Variants in PHACTR1 observed in about 807,000 individuals in gnomAD.
PHACTR1 encodes the protein RPEL repeat containing 1.
PHACTR1 carries 16 observed loss-of-function variants against 69.2 expected under a neutral mutation model. The observed-to-expected ratio is 0.23, with a 90% CI of 0.16 to 0.35. The LOEUF is 0.35. Ranked by LOEUF, PHACTR1 falls within the 10% of genes least tolerant of loss-of-function variation. PHACTR1 has a pLI of 1.00. For synonymous variants in PHACTR1, 312 were observed against 284.5 expected (o/e 1.10, Z -0.97); for missense variants, 510 against 734.7 (o/e 0.69, Z 3.54).
At chr6:12,721,750 T>C (rs1010187472) in intron 3 of PHACTR1, among the ~76,000 whole-genome samples, 9 of 152,216 alleles carry the variant, frequency 5.9e-5, no homozygotes, top group African/African-American at 2.2e-4. Context: ...GTTCCTCCAC[T>C]GTAGCTTCCC....
At chr6:12,916,823 T>C (rs1166394440) in intron 4 of PHACTR1, among the ~76,000 whole-genome samples, 2 of 152,222 alleles carry the variant, frequency 1.3e-5, no homozygotes. Context: ...AATTTTCATT[T>C]GCTAACTCAA....
chr6:13,209,622 G>A (rs1339351566), intron 8 of PHACTR1, among the ~76,000 whole-genome samples: 1 of 152,204 alleles, frequency 6.6e-6, no homozygotes, highest in East Asian at 1.9e-4. Flanking sequence ...CCATACATTT[G>A]CACAAGTCAT....
intron 5 of PHACTR1, among the ~76,000 whole-genome samples, chr6:13,090,210 A>G (rs1170364902): frequency 1.3e-5 from 2 of 152,032 alleles, no homozygotes; most frequent in African/African-American, 4.8e-5. Flanking sequence ...GCATGCCACC[A>G]TGCCCGGCTA....
intron 4 of PHACTR1, among the ~76,000 whole-genome samples, chr6:12,954,865 A>C (rs1582676855): frequency 6.6e-6 from 1 of 152,218 alleles, no homozygotes; most frequent in East Asian, 1.9e-4. Context: ...CCTAAAATAA[A>C]TTCTAACCTC....
chr6:13,185,746 T>C (rs1762751617), intron 7 of PHACTR1, among the ~76,000 whole-genome samples: 1 of 152,200 alleles, frequency 6.6e-6, no homozygotes, highest in African/African-American at 2.4e-5. Context: ...TTGATAATAG[T>C]TTCACCTGAT....
chr6:12,855,170 T>TGTG (rs1459009454), intron 4 of PHACTR1, among the ~76,000 whole-genome samples: 1 of 152,050 alleles, frequency 6.6e-6, no homozygotes, highest in African/African-American at 2.4e-5. Context: ...ATAAAGAAAA[T>TGTG]GTGGTATACA....
chr6:13,172,059 G>A (rs971503874), intron 6 of PHACTR1, among the ~76,000 whole-genome samples: 3 of 152,086 alleles, frequency 2.0e-5, no homozygotes, highest in African/African-American at 4.8e-5. Context: ...GAGCCACCAC[G>A]CCCGGTCAAC....
At chr6:13,266,757 G>C (rs1271101493) in intron 10 of PHACTR1, 1 of 152,240 alleles carries the variant, frequency 6.6e-6, no homozygotes, top group Non-Finnish European at 1.5e-5. Context: ...CAACTCACTA[G>C]AACAGCACCA....
intron 4 of PHACTR1, among the ~76,000 whole-genome samples, chr6:12,804,969 CA>C (rs951866135): frequency 7.2e-5 from 11 of 152,178 alleles, no homozygotes; most frequent in Admixed American, 7.2e-4. Context: ...CAAAATTATA[CA>C]AAACAGCAAT....
chr6:13,284,188 C>A (rs1780954199), intron 13 of PHACTR1, among the ~76,000 whole-genome samples: 1 of 152,022 alleles, frequency 6.6e-6, no homozygotes, highest in African/African-American at 2.4e-5. Context: ...AGTCTGGTCA[C>A]CATGAGGAGC....
At chr6:12,729,059 TG>T (rs1448003031) in intron 3 of PHACTR1, among the ~76,000 whole-genome samples, 2 of 152,192 alleles carry the variant, frequency 1.3e-5, no homozygotes, top group Admixed American at 1.3e-4. Flanking sequence ...GCTTTAATTT[TG>T]TCAAGCCTCA....
At chr6:12,836,735 C>T (rs867052430) in intron 4 of PHACTR1, among the ~76,000 whole-genome samples, 1 of 152,100 alleles carries the variant, frequency 6.6e-6, no homozygotes, top group Non-Finnish European at 1.5e-5. Flanking sequence ...TCATGTAGAC[C>T]CAGCTACAAA....
chr6:13,126,860 T>C (rs901486729), intron 5 of PHACTR1, among the ~76,000 whole-genome samples: 6 of 152,250 alleles, frequency 3.9e-5, no homozygotes, highest in Non-Finnish European at 7.3e-5. Flanking sequence ...CTTTACTATA[T>C]ACATCGTAGG....
chr6:13,112,659 A>C (rs766593675), intron 5 of PHACTR1, among the ~76,000 whole-genome samples: 4 of 152,112 alleles, frequency 2.6e-5, no homozygotes, highest in Non-Finnish European at 5.9e-5. Flanking sequence ...TATTAAAAAT[A>C]TGTTGGCCAC....
intron 6 of PHACTR1, among the ~76,000 whole-genome samples, chr6:13,172,683 A>G (rs2113648414): frequency 6.6e-6 from 1 of 152,366 alleles, no homozygotes; most frequent in South Asian, 2.1e-4. Context: ...AAGGCTTCTC[A>G]GCAAGAAGGA....
chr6:12,931,818 A>G (rs776717400), intron 4 of PHACTR1, among the ~76,000 whole-genome samples: 2 of 151,816 alleles, frequency 1.3e-5, no homozygotes, highest in African/African-American at 2.4e-5. Context: ...ATGCATTTCA[A>G]TTGTGGTCTC....
intron 4 of PHACTR1, among the ~76,000 whole-genome samples, chr6:12,972,587 C>A (rs372432396): frequency 4.1e-4 from 63 of 151,894 alleles, no homozygotes; most frequent in African/African-American, 1.5e-3. Flanking sequence ...GCCGGCATTC[C>A]GTGACTCATG....
At chr6:12,992,294 T>C (rs914661951) in intron 4 of PHACTR1, among the ~76,000 whole-genome samples, 2 of 152,232 alleles carry the variant, frequency 1.3e-5, no homozygotes, top group African/African-American at 4.8e-5. Context: ...AATTAAATTG[T>C]CAAAAACTTC....
chr6:13,030,478 C>G (rs1174855403), intron 4 of PHACTR1, among the ~76,000 whole-genome samples: 2 of 152,120 alleles, frequency 1.3e-5, no homozygotes, highest in East Asian at 3.9e-4. Context: ...AATAGGAAAT[C>G]TGATGGGGGA....
Sources: allele counts gnomAD v4.1 joint callset (sites outside exome capture counted in the v4.1 genomes callset), GRCh38; gene constraint gnomAD v4.1.1; transcripts MANE v1.5; gene names NCBI Gene and HGNC (gene_info 2026-07-23, HGNC 2026-07-21).